The following DIS3L2 variants were observed in gnomAD, a reference collection of about 807,000 sequenced individuals.
DIS3L2 encodes the protein DIS3 like 3'-5' exoribonuclease 2, also known as DIS3-like exonuclease 2.
In DIS3L2, 34 loss-of-function variants were observed where a neutral mutation model predicts 97.5. That is an observed-to-expected ratio of 0.35 (90% CI 0.27 to 0.46). DIS3L2 has a LOEUF of 0.46. Among genes scored for constraint, DIS3L2 ranks in the 20% least tolerant of loss-of-function variants. DIS3L2 has a pLI of 1.00. For missense variants in DIS3L2, 1,038 were observed against 1,146.0 expected, an observed-to-expected ratio of 0.91 and a Z score of 1.36; for synonymous variants, 435 against 445.2, an observed-to-expected ratio of 0.98 and a Z score of 0.29.
At chr2:232,336,100 G>A (rs1559221123) in intron 20 of DIS3L2, 2 of 1,543,936 alleles carry the variant, frequency 1.3e-6, no homozygotes, top group East Asian at 2.5e-5. Context: ...GAGAGGAGGG[G>A]CTCTGCCTGT....
chr2:232,112,050 C>T (rs1378412133), intron 6 of DIS3L2, among the ~76,000 whole-genome samples: 2 of 152,144 alleles, frequency 1.3e-5, no homozygotes, highest in Admixed American at 1.3e-4. Flanking sequence ...TCATTTCAGC[C>T]AAGAGCAACT....
intron 9 of DIS3L2, among the ~76,000 whole-genome samples, chr2:232,188,790 G>A (rs76117776): frequency 0.015 from 2,338 of 152,216 alleles, 65 homozygotes; most frequent in African/African-American, 0.054. Flanking sequence ...AAAAAGATGA[G>A]CTGCAGAAAA....
intron 13 of DIS3L2, among the ~76,000 whole-genome samples, chr2:232,279,297 G>A (rs907978242): frequency 6.6e-6 from 1 of 152,070 alleles, no homozygotes; most frequent in African/African-American, 2.4e-5. Flanking sequence ...TATTTGTTTT[G>A]TTTTTTAGGT....
intron 1 of DIS3L2, among the ~76,000 whole-genome samples, chr2:231,962,592 G>T (rs192591513): frequency 8.7e-4 from 133 of 152,032 alleles, no homozygotes; most frequent in African/African-American, 3.0e-3. Flanking sequence ...CCGCCACCCC[G>T]CCCGGCTAAT....
intron 13 of DIS3L2, among the ~76,000 whole-genome samples, chr2:232,286,522 C>G (rs1694437554): frequency 6.6e-6 from 1 of 152,162 alleles, no homozygotes; most frequent in African/African-American, 2.4e-5. Context: ...AATATTGAGT[C>G]CCAATCAGCT....
intron 5 of DIS3L2, among the ~76,000 whole-genome samples, chr2:232,051,531 G>A (rs1042032205): frequency 9.2e-5 from 14 of 152,182 alleles, no homozygotes; most frequent in Non-Finnish European, 1.6e-4. Context: ...AACTAGCTTC[G>A]GCTGGGCGCG....
At chr2:232,120,266 A>G (rs556894256) in intron 6 of DIS3L2, among the ~76,000 whole-genome samples, 1 of 152,160 alleles carries the variant, frequency 6.6e-6, no homozygotes, top group Non-Finnish European at 1.5e-5. Context: ...TGCCGTTTGG[A>G]TTCTGAAGGT....
chr2:232,248,786 G>A (rs931998318), intron 11 of DIS3L2, among the ~76,000 whole-genome samples: 1 of 152,132 alleles, frequency 6.6e-6, no homozygotes, highest in Non-Finnish European at 1.5e-5. Flanking sequence ...GTAAATTACG[G>A]TATATTCAGT....
chr2:232,290,940 C>T (rs1380691943), intron 13 of DIS3L2, among the ~76,000 whole-genome samples: 1 of 152,192 alleles, frequency 6.6e-6, no homozygotes, highest in Admixed American at 6.5e-5. Flanking sequence ...TCCATGATTA[C>T]GTTACTGGAG....
chr2:232,185,526 C>G (rs1045452833), intron 9 of DIS3L2, among the ~76,000 whole-genome samples: 11 of 152,062 alleles, frequency 7.2e-5, no homozygotes, highest in Admixed American at 3.9e-4. Flanking sequence ...ATGTTTTTAC[C>G]TTAGGAATTT....
chr2:232,280,276 C>T (rs562355706), intron 13 of DIS3L2, among the ~76,000 whole-genome samples: 1 of 152,228 alleles, frequency 6.6e-6, no homozygotes, highest in South Asian at 2.1e-4. Context: ...GAGGTGTGTG[C>T]CTTAGAAGTT....
At chr2:232,343,250 C>A in intron 13 of DIS3L2, 1 of 1,041,982 alleles carries the variant, frequency 9.6e-7, no homozygotes, top group South Asian at 1.6e-5. Context: ...ATGGAGCTGA[C>A]GCAGGCTGAG....
At chr2:232,040,903 C>T (rs917979028) in intron 5 of DIS3L2, among the ~76,000 whole-genome samples, 1 of 152,122 alleles carries the variant, frequency 6.6e-6, no homozygotes, top group Admixed American at 6.5e-5. Flanking sequence ...GTTATTTGAT[C>T]TGTATACAGA....
intron 1 of DIS3L2, among the ~76,000 whole-genome samples, chr2:231,990,692 A>C (rs1478103411): frequency 1.3e-5 from 2 of 152,062 alleles, no homozygotes; most frequent in South Asian, 4.1e-4. Context: ...GCAAATCTTA[A>C]ATTTGTTATT....
chr2:232,300,108 C>A lies in DIS3L2; in HGVS notation c.1728C>A (p.Arg576=). Residue 576 remains arginine (R), a synonymous_variant, in exon 14 of 21, where the codon CGC becomes CGA. Coordinates refer to ENST00000325385, the MANE Select transcript of DIS3L2 (RefSeq NM_152383.5). The stretch of plus-strand genomic sequence containing the variant: ...AAGGATGTCATATCTATGAGTACCG[C>A]GAGAGCAACAAGTAAGCCACTCAGT... ...LPQGCHIYEY[R]ESNKLVEEFM... is the part of the protein sequence containing the mutation. 1 of 1,613,590 alleles carries A rather than the reference C, an allele frequency of 6.2e-7. No individual in the cohort carries two copies. The highest frequency in any genetic ancestry group is 8.5e-7 in the Non-Finnish European group (1 of 1,179,600).
intron 6 of DIS3L2, among the ~76,000 whole-genome samples, chr2:232,097,024 A>T (rs915131254): frequency 1.3e-5 from 2 of 152,142 alleles, no homozygotes; most frequent in African/African-American, 4.8e-5. Context: ...TATTTATTGT[A>T]GTGTTCGTGG....
intron 6 of DIS3L2, among the ~76,000 whole-genome samples, chr2:232,102,095 G>A (rs1697219831): frequency 6.6e-6 from 1 of 152,196 alleles, no homozygotes; most frequent in African/African-American, 2.4e-5. Flanking sequence ...CTTCTGATGG[G>A]ATGCATTATT....
chr2:232,270,755 T>C (rs2106288778), intron 13 of DIS3L2, among the ~76,000 whole-genome samples: 1 of 152,282 alleles, frequency 6.6e-6, no homozygotes, highest in East Asian at 1.9e-4. Context: ...TACCAATTTA[T>C]ACTCCTTCAG....
At chr2:232,181,435 A>G (rs1486477955) in intron 9 of DIS3L2, among the ~76,000 whole-genome samples, 3 of 152,070 alleles carry the variant, frequency 2.0e-5, no homozygotes, top group African/African-American at 7.2e-5. Flanking sequence ...TCTCCCCATC[A>G]CTTTCAGAGT....
Sources: gnomAD v4.1 joint callset for allele counts (sites outside exome capture counted in the v4.1 genomes callset) on GRCh38, gnomAD v4.1.1 for gene constraint, MANE v1.5 for transcripts, NCBI Gene and HGNC (gene_info 2026-07-23, HGNC 2026-07-21) for gene names.